The following SMG1 variants were observed in gnomAD, a reference collection of about 807,000 sequenced individuals.
SMG1 encodes serine/threonine-protein kinase SMG1.
A neutral mutation model predicts 419.9 loss-of-function variants in SMG1; 22 were observed. The observed-to-expected ratio is 0.05, with a 90% CI of 0.04 to 0.07. The LOEUF is 0.07. Among genes scored for constraint, SMG1 ranks in the 10% least tolerant of loss-of-function variants. The pLI is 1.00. For synonymous variants in SMG1, 1,538 were observed against 1,553.5 expected (o/e 0.99, Z 0.23); for missense variants, 3,185 against 4,342.0 (o/e 0.73, Z 7.49).
rs781441609 is a variant in SMG1 at position 18,812,120 on chromosome 16, C to A, written c.10629G>T (p.Arg3543=). 1 of 1,611,588 alleles carries A rather than the reference C, an allele frequency of 6.2e-7. No individual in the cohort carries two copies. The highest frequency in any genetic ancestry group is 2.2e-5 in the East Asian group (1 of 44,874). ...TYQPSFAAAV[R]SNTGQKTQPD... is the part of the protein sequence containing the mutation. ...GCTGAGTCTTCTGGCCAGTGTTACT[C>A]CGGACTGCTACAGAGAAAGAGTTGG... is the stretch of plus-strand genomic sequence containing the variant. The change falls in exon 61 of 63, where the codon CGG becomes CGT. Residue 3543 remains arginine (R), a synonymous_variant. Transcript: ENST00000446231.
At position 18,872,108 on chromosome 16, in the gene SMG1, C is replaced by T. The variant is rs1055346518; in HGVS notation, c.2183+76G>A. The T allele has an allele frequency of 5.4e-6, 5 of 921,254 alleles. No individual in the cohort carries two copies. The Admixed American group carries it at 1.4e-4, about 26-fold the overall frequency. 57.1% of individuals were successfully genotyped at this position (921,254 alleles called of 1,614,324 possible). On this transcript the variant is annotated intron_variant, in intron 15 of 62. Transcript: ENST00000446231. The stretch of plus-strand genomic sequence containing the variant: ...CACATTTTTAAAAATTTTTTGTAAT[C>T]CACATTTCTTATTCTCAAATTATAA...
chr16:18,874,305 A>AT (rs2035985280), intron 13 of SMG1, among the ~76,000 whole-genome samples: 1 of 151,478 alleles, frequency 6.6e-6, no homozygotes, highest in African/African-American at 2.4e-5. Flanking sequence ...CCCCTGGCTA[A>AT]TTTTTCTATT....
rs533054922 is a variant in SMG1 at position 18,879,883 on chromosome 16, T to G, written c.1294-164A>C. The stretch of plus-strand genomic sequence containing the variant: ...CAGTAGTTGAATAATAATGATATCT[T>G]TAGTACAGTATGTAAACATGATCTT... On this transcript the variant is annotated intron_variant, in intron 10 of 62. Coordinates refer to ENST00000446231, the MANE Select transcript of SMG1 (RefSeq NM_015092.5). 4.2e-4 allele frequency among the ~76,000 whole-genome samples: 64 copies of G among 152,230 alleles called. 1 individual carries two copies. The highest frequency in any genetic ancestry group is 8.5e-4 in the Non-Finnish European group (58 of 68,046).
At chr16:18,915,645 A>G (rs2037940363) in intron 1 of SMG1, among the ~76,000 whole-genome samples, 1 of 152,148 alleles carries the variant, frequency 6.6e-6, no homozygotes, top group African/African-American at 2.4e-5. Flanking sequence ...TAAAAATTCC[A>G]GATAGTGGTA....
At position 18,898,000 on chromosome 16, in the gene SMG1, G is replaced by A. The variant is rs193007146; in HGVS notation, c.93-1044C>T. ...TTAGAAAAGTTTAGGACACTGGCAA[G>A]GCCAGACACTAAGCTATTCCTCTAT... is the stretch of plus-strand genomic sequence containing the variant. On this transcript the variant is annotated intron_variant, in intron 1 of 62. Transcript: ENST00000446231. Among the ~76,000 whole-genome samples the A allele has an allele frequency of 3.9e-3, 597 of 152,278 alleles. 1 individual carries two copies. The highest frequency in any genetic ancestry group is 6.6e-3 in the Non-Finnish European group (450 of 68,008).
At chr16:18,845,161 T>G (rs1303741991) in intron 39 of SMG1, among the ~76,000 whole-genome samples, 1 of 152,238 alleles carries the variant, frequency 6.6e-6, no homozygotes, top group Non-Finnish European at 1.5e-5. Flanking sequence ...CCTTGGCTAA[T>G]TTCTTCATCT....
chr16:18,919,101 C>A (rs746930098), intron 1 of SMG1, among the ~76,000 whole-genome samples: 131 of 152,182 alleles, frequency 8.6e-4, no homozygotes, highest in Middle Eastern at 3.4e-3. Context: ...CCAAGACAGG[C>A]ATATCACTTG....
At chr16:18,847,350 C>T in intron 38 of SMG1, 103 bp downstream of exon 38, 2 of 1,267,708 alleles carry the variant, frequency 1.6e-6, no homozygotes, top group Non-Finnish European at 2.2e-6. Flanking sequence ...TTTAATGCCA[C>T]TGAATTGTAC....
intron 1 of SMG1, among the ~76,000 whole-genome samples, chr16:18,906,208 G>A (rs115643550): frequency 0.011 from 1,731 of 152,072 alleles, 33 homozygotes; most frequent in African/African-American, 0.04. Context: ...TACCAGCTGC[G>A]CACGGTGGTT....
chr16:18,863,938 A>G, intron 24 of SMG1, 64 bp downstream of exon 24: 1 of 1,560,248 alleles, frequency 6.4e-7, no homozygotes, highest in South Asian at 1.2e-5. Flanking sequence ...AACATAAAAT[A>G]AGATCATCAG....
chr16:18,856,335 T>C (rs2034904305), intron 29 of SMG1: 1 of 116,734 alleles, frequency 8.6e-6, no homozygotes, highest in African/African-American at 3.3e-5. Flanking sequence ...GGTGATTTTT[T>C]TTTTTTTTTT....
chr16:18,907,689 A>C lies in SMG1; in HGVS notation c.93-10733T>G, dbSNP rs147430510. Among the ~76,000 whole-genome samples, 1,473 of 151,770 alleles carry C rather than the reference A, an allele frequency of 9.7e-3. 11 individuals are homozygous for C. The highest frequency in any genetic ancestry group is 0.014 in the Non-Finnish European group (972 of 67,916). ...ATGGTGAAACCCTGTCTCTACCAAA[A>C]ATACACAAAAACTTAGCCAGGCCTG... On this transcript the variant is annotated intron_variant, in intron 1 of 62. Coordinates refer to ENST00000446231, the MANE Select transcript of SMG1 (RefSeq NM_015092.5).
At position 18,812,140 on chromosome 16, in the gene SMG1, A is replaced by G. The variant is rs1226495470; in HGVS notation, c.10622-13T>C. The stretch of plus-strand genomic sequence containing the variant: ...TTACTCCGGACTGCTACAGAGAAAG[A>G]GTTGGTGGCTCAATTTACATGTAAA... On this transcript the variant is annotated splice_polypyrimidine_tract_variant and intron_variant, in intron 60 of 62. Transcript: ENST00000446231. 1 of 1,605,752 alleles carries G rather than the reference A, an allele frequency of 6.2e-7. No homozygotes were observed. The highest frequency in any genetic ancestry group is 1.1e-5 in the South Asian group (1 of 89,604).
rs576526355 is a variant in SMG1, at chr16:18,903,851, C to T, written c.93-6895G>A. Among the ~76,000 whole-genome samples, 10 of 151,950 alleles carry T rather than the reference C, an allele frequency of 6.6e-5. No homozygotes were observed. The South Asian group carries it at 1.9e-3, about 28-fold the overall frequency. On this transcript the variant is annotated intron_variant, in intron 1 of 62. Transcript: ENST00000446231. Reference sequence around the variant, plus strand: ...ATACAGCTTTTCTTCCCATCATCTTCGCATAATGGAACAAATAAACCTCCT... The same window carrying T: ...ATACAGCTTTTCTTCCCATCATCTTTGCATAATGGAACAAATAAACCTCCT...
intron 1 of SMG1, among the ~76,000 whole-genome samples, chr16:18,918,102 T>A (rs753385249): frequency 1.3e-5 from 2 of 151,292 alleles, no homozygotes; most frequent in Admixed American, 6.6e-5. Context: ...CTCTAGTAAA[T>A]ACAAAAGATT....
chr16:18,858,833 C>T (rs2141460419), intron 28 of SMG1, 189 bp downstream of exon 28: 2 of 496,236 alleles, frequency 4.0e-6, no homozygotes, highest in Admixed American at 7.7e-5. Context: ...TTGAGATTAT[C>T]TCAGGTTCTT....
intron 42 of SMG1, among the ~76,000 whole-genome samples, chr16:18,839,393 T>A (rs138081158): frequency 1.3e-5 from 2 of 152,112 alleles, no homozygotes; most frequent in African/African-American, 4.8e-5. Context: ...CTTCTTTGTG[T>A]CCATGTGTGC....
intron 31 of SMG1, 137 bp downstream of exon 31, chr16:18,853,446 C>A: frequency 3.7e-6 from 3 of 810,360 alleles, no homozygotes; most frequent in Non-Finnish European, 5.4e-6. Context: ...TAGTTATTTC[C>A]CAACAATAAA....
intron 7 of SMG1, 59 bp downstream of exon 7, chr16:18,885,482 C>T: frequency 6.3e-7 from 1 of 1,586,592 alleles, no homozygotes; most frequent in South Asian, 1.1e-5. Context: ...TCCTCAGATC[C>T]TCACACACAC....
Sources: gnomAD v4.1 joint callset for allele counts (sites outside exome capture counted in the v4.1 genomes callset) on GRCh38, gnomAD v4.1.1 for gene constraint, MANE v1.5 for transcripts, NCBI Gene and HGNC (gene_info 2026-07-23, HGNC 2026-07-21) for gene names.